AGBL4: variants seen among roughly 807,000 people sequenced by gnomAD.
AGBL4 encodes cytosolic carboxypeptidase 6.
In AGBL4, 58 loss-of-function variants were observed where a neutral mutation model predicts 66.4. The ratio of observed to expected loss-of-function variants is 0.87; its 90% CI spans 0.71 to 1.09. AGBL4 has a LOEUF of 1.09. Among genes scored for constraint, AGBL4 ranks in the 50% least tolerant of loss-of-function variants. AGBL4 has a pLI of 0.00. For missense variants in AGBL4, 579 were observed against 631.0 expected (o/e 0.92, Z 0.88); for synonymous variants, 234 against 222.9 (o/e 1.05, Z -0.44).
chr1:48,722,741 C>T (rs1223372585), intron 6 of AGBL4, among the ~76,000 whole-genome samples: 1 of 152,132 alleles, frequency 6.6e-6, no homozygotes, highest in Non-Finnish European at 1.5e-5. Flanking sequence ...AATTCTATTG[C>T]TAAAGATGCT....
At chr1:49,142,321 C>G (rs1424356977) in intron 4 of AGBL4, among the ~76,000 whole-genome samples, 1 of 152,114 alleles carries the variant, frequency 6.6e-6, no homozygotes, top group Admixed American at 6.6e-5. Flanking sequence ...TCTCCCTCCC[C>G]CTCACTGTCC....
chr1:48,676,367 G>T (rs770087801), intron 6 of AGBL4, among the ~76,000 whole-genome samples: 2 of 152,222 alleles, frequency 1.3e-5, no homozygotes, highest in Non-Finnish European at 2.9e-5. Flanking sequence ...TAACAAACAG[G>T]GACTCAGGCA....
chr1:50,018,476 A>G (rs1662160052), intron 1 of AGBL4, among the ~76,000 whole-genome samples: 1 of 152,152 alleles, frequency 6.6e-6, no homozygotes, highest in Non-Finnish European at 1.5e-5. Flanking sequence ...TTTTCCTTAA[A>G]TCTGTATTAA....
intron 1 of AGBL4, among the ~76,000 whole-genome samples, chr1:49,986,522 C>A (rs1419745662): frequency 1.3e-5 from 2 of 151,992 alleles, no homozygotes; most frequent in East Asian, 3.8e-4. Context: ...AGAGGAAGTA[C>A]ATATACCTAG....
chr1:49,166,590 C>T (rs182179968), intron 4 of AGBL4, among the ~76,000 whole-genome samples: 8 of 151,680 alleles, frequency 5.3e-5, no homozygotes, highest in African/African-American at 1.9e-4. Context: ...ATAAAGTATA[C>T]ATCCAGAACA....
intron 3 of AGBL4, among the ~76,000 whole-genome samples, chr1:49,432,106 G>A (rs768260186): frequency 1.8e-4 from 28 of 152,078 alleles, no homozygotes; most frequent in Non-Finnish European, 3.2e-4. Context: ...ATAACCCTCC[G>A]TGATTTAGCA....
chr1:48,886,094 C>A (rs941904667), intron 5 of AGBL4, among the ~76,000 whole-genome samples: 1 of 152,112 alleles, frequency 6.6e-6, no homozygotes, highest in African/African-American at 2.4e-5. Flanking sequence ...AGGACACCAG[C>A]AGGTGAGGAA....
chr1:49,249,111 A>C (rs1360768755), intron 3 of AGBL4, among the ~76,000 whole-genome samples: 1 of 152,214 alleles, frequency 6.6e-6, no homozygotes, highest in Non-Finnish European at 1.5e-5. Context: ...GCCTGCGTGC[A>C]GTCCTAAAGA....
At chr1:49,977,276 T>TCCA (rs1658644462) in intron 1 of AGBL4, among the ~76,000 whole-genome samples, 2 of 151,992 alleles carry the variant, frequency 1.3e-5, no homozygotes, top group Admixed American at 1.3e-4. Flanking sequence ...CCTCCCATCT[T>TCCA]TCATGAGCTT....
chr1:49,169,579 C>T (rs1656391582), intron 4 of AGBL4, among the ~76,000 whole-genome samples: 1 of 152,144 alleles, frequency 6.6e-6, no homozygotes, highest in African/African-American at 2.4e-5. Flanking sequence ...CAACCACCAC[C>T]TCTATCGAGT....
chr1:49,077,012 ATTAG>A (rs1313701917), intron 4 of AGBL4, among the ~76,000 whole-genome samples: 9 of 152,170 alleles, frequency 5.9e-5, no homozygotes, highest in Admixed American at 5.2e-4. Flanking sequence ...TTATTTTAAA[ATTAG>A]TTAGGTGTAA....
chr1:49,198,300 T>C (rs975665276), intron 4 of AGBL4, among the ~76,000 whole-genome samples: 1 of 152,162 alleles, frequency 6.6e-6, no homozygotes, highest in African/African-American at 2.4e-5. Context: ...CATTATTTCT[T>C]GGATAAAAGT....
intron 3 of AGBL4, among the ~76,000 whole-genome samples, chr1:49,601,335 CT>C (rs200345423): frequency 1.3e-4 from 19 of 149,370 alleles, no homozygotes; most frequent in African/African-American, 2.9e-4. Context: ...TCTTTTCATT[CT>C]TTTTTTTTTC....
At chr1:49,970,684 C>A (rs7522328) in intron 1 of AGBL4, among the ~76,000 whole-genome samples, 137,552 of 144,370 alleles carry the variant, frequency 0.95, 65,875 homozygotes, top group East Asian at 1. Context: ...TGACAGAGCA[C>A]GACTCCGACT....
chr1:49,280,009 T>C (rs2148402239), intron 3 of AGBL4, among the ~76,000 whole-genome samples: 1 of 152,312 alleles, frequency 6.6e-6, no homozygotes, highest in Non-Finnish European at 1.5e-5. Flanking sequence ...CCCCAATTAC[T>C]CCTGCAGATA....
chr1:49,285,607 A>C (rs164827), intron 3 of AGBL4, among the ~76,000 whole-genome samples: 10,746 of 152,202 alleles, frequency 0.071, 1,222 homozygotes, highest in African/African-American at 0.24. Flanking sequence ...GGATCAACAA[A>C]ATTGATAGAC....
Position 49,469,613 on chromosome 1 carries a change from G to C in AGBL4, c.283-223749C>G, listed in dbSNP as rs562083121. 2.8e-4 allele frequency among the ~76,000 whole-genome samples: 42 copies of C among 151,962 alleles called. No individual in the cohort carries two copies. The South Asian group carries it at 4.1e-3, about 15-fold the overall frequency. ...CCAAACTCTTTCTGACATCTCATAA[G>C]ACACCCCTAAGTCCCATAAATAGTT... On this transcript the variant is annotated intron_variant, in intron 3 of 13. Coordinates refer to ENST00000371839, the MANE Select transcript of AGBL4 (RefSeq NM_032785.4).
chr1:49,361,889 G>A lies in AGBL4; in HGVS notation c.283-116025C>T, dbSNP rs1057387061. Among the ~76,000 whole-genome samples the A allele has an allele frequency of 4.6e-5, 7 of 152,040 alleles. No homozygotes were observed. The East Asian group carries it at 5.8e-4, about 13-fold the overall frequency. Reference sequence around the variant, plus strand: ...AACCCTGGCCTCTCCCATTGAGCCCGATTCCCATATTCAACTGTTTAATCA... The same window carrying A: ...AACCCTGGCCTCTCCCATTGAGCCCAATTCCCATATTCAACTGTTTAATCA... On this transcript the variant is annotated intron_variant, in intron 3 of 13. Transcript: ENST00000371839.
At chr1:48,583,065 C>T (rs1221235260) in intron 11 of AGBL4, among the ~76,000 whole-genome samples, 2 of 152,134 alleles carry the variant, frequency 1.3e-5, no homozygotes, top group African/African-American at 2.4e-5. Context: ...GAAGGGGGCA[C>T]CCTGGATGAC....
Sources: allele counts gnomAD v4.1 joint callset (sites outside exome capture counted in the v4.1 genomes callset), GRCh38; gene constraint gnomAD v4.1.1; transcripts MANE v1.5; gene names NCBI Gene and HGNC (gene_info 2026-07-23, HGNC 2026-07-21).